Variants in CNTN2 observed in about 807,000 individuals in gnomAD.
The protein encoded by CNTN2 is contactin-2.
Under a neutral mutation model 117.5 loss-of-function variants are expected in CNTN2, and 53 were observed. That is an observed-to-expected ratio of 0.45 (90% confidence interval 0.36 to 0.57). The LOEUF is 0.57. CNTN2 is among the 20% of genes least tolerant of loss of function. The probability of loss-of-function intolerance (pLI) is 0.00; values close to 1 mark genes in which losing one functional copy is unlikely to be tolerated. For missense variants in CNTN2, 1,106 were observed against 1,404.3 expected (o/e 0.79, Z 3.39); for synonymous variants, 530 against 561.7 (o/e 0.94, Z 0.80).
chr1:205,053,319 T>C (rs2096456089), intron 2 of CNTN2, 64 bp downstream of exon 2: 7 of 1,359,388 alleles, frequency 5.1e-6, no homozygotes, highest in Non-Finnish European at 6.1e-6. Context: ...ATCCTTGCTA[T>C]GATTTGGGTG....
chr1:205,060,955 G>A (rs1653942877), intron 7 of CNTN2: 1 of 374,508 alleles, frequency 2.7e-6, no homozygotes, highest in Admixed American at 4.4e-5. Flanking sequence ...TGCGGGAGAG[G>A]GCAGGCCAGC....
chr1:205,069,793 G>A (rs1002124639), intron 17 of CNTN2, 34 bp from the exon 18 acceptor site: 2 of 1,597,254 alleles, frequency 1.3e-6, no homozygotes, highest in Non-Finnish European at 8.6e-7. Flanking sequence ...CACATGCCGC[G>A]GACCCTCGCC....
chr1:205,047,497 G>A (rs1212773800), intron 1 of CNTN2, among the ~76,000 whole-genome samples: 1 of 152,132 alleles, frequency 6.6e-6, no homozygotes, highest in Non-Finnish European at 1.5e-5. Context: ...CTGTTGAGAA[G>A]GAGTACCTGC....
chr1:205,072,234 C>A, intron 20 of CNTN2, 101 bp downstream of exon 20: 1 of 1,231,558 alleles, frequency 8.1e-7, no homozygotes, highest in Non-Finnish European at 1.1e-6. Flanking sequence ...CTCTAGCCCA[C>A]CAGCTCTGGG....
chr1:205,059,551 T>G lies in CNTN2; in HGVS notation c.698-32T>G. 6.2e-7 allele frequency: 1 copy of G among 1,600,142 alleles called. No homozygotes were observed. ...CGGGAGCACCTGACCTGGAGTCATC[T>G]GCATCTGATTTGTAAAACCCTCTCT... On this transcript the variant is annotated intron_variant, in intron 6 of 22. Coordinates refer to ENST00000331830, the MANE Select transcript of CNTN2 (RefSeq NM_005076.5). This position sits in a 1 kb window ranked among gnomAD's most constrained non-coding sequence, Gnocchi z 5.6.
At position 205,058,716 on chromosome 1, in the gene CNTN2, A is replaced by G; in HGVS notation, c.487+53A>G. The G allele has an allele frequency of 1.4e-6, 2 of 1,410,880 alleles. No homozygotes were observed. Among genetic ancestry groups the G allele is most frequent in the Non-Finnish European group, 2.0e-6 (2 of 1,013,554 alleles). The allele number at this position is 1,410,880 out of a possible 1,614,324, so 87.4% of individuals were successfully genotyped here. ...GAGAGGGCACAGGAAGGGCTTCCAG[A>G]TGCTTGGCAGAGGAAGGATGGAATA... On this transcript the variant is annotated intron_variant, in intron 5 of 22. Transcript: ENST00000331830. The surrounding 1 kb of genome is among the most constrained non-coding windows in gnomAD (Gnocchi z 4.3).
chr1:205,070,328 C>A, intron 18 of CNTN2, 98 bp from the exon 19 acceptor site: 1 of 876,026 alleles, frequency 1.1e-6, no homozygotes, highest in Non-Finnish European at 1.8e-6. Flanking sequence ...TGAAGGCTTT[C>A]CTCCAAAATC....
At chr1:205,056,556 G>A (rs944029754) in intron 2 of CNTN2, among the ~76,000 whole-genome samples, 3 of 152,190 alleles carry the variant, frequency 2.0e-5, no homozygotes, top group African/African-American at 7.2e-5. Flanking sequence ...TGCAGCATGG[G>A]GCCACCCCCT....
rs1223280380 is a variant in CNTN2 at position 205,065,504 on chromosome 1, A to T, written c.1695+242A>T. The stretch of plus-strand genomic sequence containing the variant: ...TGGAGTTGTGGGCAGCCACCAAGAC[A>T]CTCCCACTACTGTTCTTGTTAGCCT... On this transcript the variant is annotated intron_variant, in intron 13 of 22. Transcript: ENST00000331830. This position sits in a 1 kb window ranked among gnomAD's most constrained non-coding sequence, Gnocchi z 4.1. 1.3e-5 allele frequency among the ~76,000 whole-genome samples: 2 copies of T among 151,682 alleles called. No individual in the cohort carries two copies. Among genetic ancestry groups the T allele is most frequent in the Non-Finnish European group, 1.5e-5 (1 of 67,904 alleles).
intron 2 of CNTN2, among the ~76,000 whole-genome samples, chr1:205,053,810 G>T (rs1031305752): frequency 6.6e-6 from 1 of 152,224 alleles, no homozygotes; most frequent in Non-Finnish European, 1.5e-5. Context: ...AACCCTGGAA[G>T]GGTTTCTTAA....
intron 21 of CNTN2, 70 bp from the exon 22 acceptor site, chr1:205,072,998 T>A: frequency 6.4e-7 from 1 of 1,553,344 alleles, no homozygotes; most frequent in Non-Finnish European, 8.8e-7. Flanking sequence ...TCCCAGTACC[T>A]AAAGCTGGGG....
In CNTN2 at chr1:205,069,527, G is replaced by A. The variant is rs745808857; in HGVS notation, c.2162G>A (p.Gly721Asp). 9.9e-6 allele frequency: 16 copies of A among 1,613,916 alleles called. No individual in the cohort carries two copies. Among genetic ancestry groups the A allele is most frequent in the South Asian group, 2.2e-5 (2 of 91,072 alleles). Residue 721 changes from glycine (G) to aspartate (D), a missense_variant, in exon 17 of 23, where the codon GGT becomes GAT. Physicochemically the swap from Gly to Asp is moderately conservative, Grantham distance 94 (BLOSUM62 -1). Transcript: ENST00000331830. The stretch of plus-strand genomic sequence containing the variant: ...GCACCCTCAGGACTCAGCGGAGGAG[G>A]TGGAGCCCCCGGAGAGCTCATCGTC... ...SVAPSGLSGG[G>D]GAPGELIVNW... is the part of the protein sequence containing the mutation.
At chr1:205,051,543 G>A (rs935802152) in intron 1 of CNTN2, among the ~76,000 whole-genome samples, 6 of 152,150 alleles carry the variant, frequency 3.9e-5, no homozygotes, top group African/African-American at 7.2e-5. Flanking sequence ...TGGCACCTGG[G>A]CACCCTGCCT....
intron 2 of CNTN2, among the ~76,000 whole-genome samples, chr1:205,056,337 CATT>C (rs1028641169): frequency 1.3e-5 from 2 of 152,134 alleles, no homozygotes; most frequent in Non-Finnish European, 2.9e-5. Flanking sequence ...ACACCACCAT[CATT>C]AACTTGGGAT....
chr1:205,070,654 C>G (rs1654546966), intron 19 of CNTN2, 116 bp downstream of exon 19: 1 of 711,978 alleles, frequency 1.4e-6, no homozygotes, highest in Non-Finnish European at 2.5e-6. Flanking sequence ...GCTGACATGG[C>G]AAACTGAGCA....
rs1030767983 is a variant in CNTN2 at position 205,059,824 on chromosome 1, G to A, written c.797+142G>A. 9.0e-6 allele frequency: 6 copies of A among 664,032 alleles called. No individual in the cohort carries two copies. Among genetic ancestry groups the A allele is most frequent in the Admixed American group, 2.5e-5 (1 of 40,154 alleles). The allele number at this position is 664,032 out of a possible 1,614,324, so 41.1% of individuals were successfully genotyped here. On this transcript the variant is annotated intron_variant, in intron 7 of 22. Coordinates refer to ENST00000331830, the MANE Select transcript of CNTN2 (RefSeq NM_005076.5). This position sits in a 1 kb window ranked among gnomAD's most constrained non-coding sequence, Gnocchi z 5.6. Reference sequence around the variant, plus strand: ...AAGTACTGGGCACACAGTGGGTATCGACCACCACTCACTGGACAGTACCTC... The same window carrying A: ...AAGTACTGGGCACACAGTGGGTATCAACCACCACTCACTGGACAGTACCTC...
intron 2 of CNTN2, among the ~76,000 whole-genome samples, chr1:205,054,884 C>T (rs1572995): frequency 0.9 from 136,977 of 152,240 alleles, 61,773 homozygotes; most frequent in East Asian, 1. Flanking sequence ...AGGTTTCTGA[C>T]GCCTGTGTTT....
chr1:205,058,133 G>A lies in CNTN2; in HGVS notation c.216-48G>A. The A allele has an allele frequency of 6.3e-7, 1 of 1,599,200 alleles. No individual in the cohort carries two copies. Among genetic ancestry groups the A allele is most frequent in the Non-Finnish European group, 8.5e-7 (1 of 1,172,324 alleles). On this transcript the variant is annotated intron_variant, in intron 3 of 22. Transcript: ENST00000331830. The surrounding 1 kb of genome is among the most constrained non-coding windows in gnomAD (Gnocchi z 4.3). ...TTGAACTTTCCCTCTCATCAGCCCT[G>A]CCACCAGGCAGGACTCAGAGGTCCC...
chr1:205,048,529 C>G lies in CNTN2; in HGVS notation c.-86-4571C>G, dbSNP rs2096445878. On this transcript the variant is annotated intron_variant, in intron 1 of 22. Transcript: ENST00000331830. The surrounding 1 kb of genome is among the most constrained non-coding windows in gnomAD (Gnocchi z 4.1). Reference sequence around the variant, plus strand: ...GCCTGTGCCAGTCTGTGCCTGCACCCCTGCACCAGGGCAGCTGGCCTGGGC... The same window carrying G: ...GCCTGTGCCAGTCTGTGCCTGCACCGCTGCACCAGGGCAGCTGGCCTGGGC... Among the ~76,000 whole-genome samples, 1 of 152,152 alleles carries G rather than the reference C, an allele frequency of 6.6e-6. No homozygotes were observed.
Sources: allele counts gnomAD v4.1 joint callset (sites outside exome capture counted in the v4.1 genomes callset), GRCh38; gene constraint gnomAD v4.1.1; non-coding constraint Gnocchi (gnomAD v3.1); transcripts MANE v1.5; gene names NCBI Gene and HGNC (gene_info 2026-07-23, HGNC 2026-07-21).